The following CLP1 variants were observed in gnomAD, a reference collection of about 807,000 sequenced individuals.
CLP1 encodes the protein cleavage factor polyribonucleotide kinase subunit 1.
A neutral mutation model predicts 29.9 loss-of-function variants in CLP1; 18 were observed. The observed-to-expected ratio is 0.60, with a 90% CI of 0.42 to 0.89. The LOEUF is 0.89. CLP1 is among the 40% of genes least tolerant of loss of function. The pLI is 0.00. For missense variants in CLP1, 357 were observed against 544.8 expected, an observed-to-expected ratio of 0.66 and a Z score of 3.43; for synonymous variants, 162 against 206.2, an observed-to-expected ratio of 0.79 and a Z score of 1.84.
chr11:57,660,099 G>A lies in CLP1; in HGVS notation c.606+17G>A, dbSNP rs776825880. ...TATAATAAGGTCAGAGCCAGAGAAA[G>A]GTGGGGTGGAGGGAAGGGCTGCTAT... On this transcript the variant is annotated intron_variant, in intron 2 of 2. Transcript: ENST00000533682. 37 of 1,535,820 alleles carry A rather than the reference G, an allele frequency of 2.4e-5. No individual in the cohort carries two copies. The highest frequency in any genetic ancestry group is 3.2e-5 in the Non-Finnish European group (36 of 1,140,758).
Position 57,661,374 on chromosome 11 carries a change from C to A in CLP1, c.1216C>A (p.Pro406Thr). 1 of 1,614,082 alleles carries A rather than the reference C, an allele frequency of 6.2e-7. No individual in the cohort carries two copies. Among genetic ancestry groups the A allele is most frequent in the Non-Finnish European group, 8.5e-7 (1 of 1,180,024 alleles). The change falls in exon 3 of 3, where the codon CCT becomes ACT. Residue 406 changes from proline (P) to threonine (T), a missense_variant. Physicochemically the swap from Pro to Thr is conservative, Grantham distance 38. Transcript: ENST00000533682. ...HQVFTVLSPA[P>T]RPLPKNFLLI... The stretch of plus-strand genomic sequence containing the variant: ...GGTGTTTACTGTTCTGTCTCCAGCC[C>A]CTCGCCCACTGCCTAAGAACTTCCT...
intron 1 of CLP1, among the ~76,000 whole-genome samples, chr11:57,658,505 G>A (rs1400609755): frequency 1.3e-5 from 2 of 152,192 alleles, no homozygotes; most frequent in African/African-American, 2.4e-5. Context: ...TTTTGGGGTG[G>A]AGGAGGCGGG....
At chr11:57,660,624 A>G in intron 2 of CLP1, 141 bp from the exon 3 acceptor site, 1 of 699,344 alleles carries the variant, frequency 1.4e-6, no homozygotes, top group East Asian at 2.7e-5. Context: ...ACTGCACTCC[A>G]TCCTGGGCAA....
In CLP1 at chr11:57,661,556, A is replaced by T; in HGVS notation, c.*120A>T. ...GACCAGTAAACTGTGGACTAGTAGA[A>T]AGTTCATATTCTACCTCTAAAAACA... On this transcript the variant is annotated 3_prime_UTR_variant, in exon 3 of 3. Transcript: ENST00000533682. 1.3e-6 allele frequency: 1 copy of T among 776,040 alleles called. No individual in the cohort carries two copies. The highest frequency in any genetic ancestry group is 2.1e-6 in the Non-Finnish European group (1 of 482,692). The allele number at this position is 776,040 out of a possible 1,614,324, so 48.1% of individuals were successfully genotyped here. A position where few individuals can be genotyped will look rare whatever the true frequency, so the allele number is the denominator to read the frequency against.
chr11:57,659,352 G>A, intron 1 of CLP1, 103 bp from the exon 2 acceptor site: 1 of 1,129,024 alleles, frequency 8.9e-7, no homozygotes, highest in Admixed American at 2.4e-5. Context: ...GCTTCCCAAA[G>A]TGCTGGGATT....
rs1432445783 is a variant in CLP1, at chr11:57,660,920, T to C, written c.762T>C (p.Val254=). 8.1e-6 allele frequency: 13 copies of C among 1,614,080 alleles called. No homozygotes were observed. Among genetic ancestry groups the C allele is most frequent in the African/African-American group, 2.7e-5 (2 of 74,928 alleles). The change falls in exon 3 of 3, where the codon GTT becomes GTC. Residue 254 remains valine, a synonymous_variant. Coordinates refer to ENST00000533682, the MANE Select transcript of CLP1 (RefSeq NM_006831.3). Reference sequence around the variant, plus strand: ...CCTCAGCTTTTGAGGTGGATGTCGTTGTTGTTCTGGATCAAGAACGACTGT... The same window carrying C: ...CCTCAGCTTTTGAGGTGGATGTCGTCGTTGTTCTGGATCAAGAACGACTGT... ...HAASAFEVDV[V]VVLDQERLYN...
Position 57,661,036 on chromosome 11 carries a change from G to A in CLP1, c.878G>A (p.Arg293Gln), listed in dbSNP as rs1205528813. 31 of 1,614,110 alleles carry A rather than the reference G, an allele frequency of 1.9e-5. No individual in the cohort carries two copies. The highest frequency in any genetic ancestry group is 6.7e-5 in the African/African-American group (5 of 74,930). The change falls in exon 3 of 3, where the codon CGG (arginine) becomes CAG (glutamine). Residue 293 changes from arginine (R) to glutamine (Q), a missense_variant. Transcript: ENST00000533682. ...GGVVERSKDF[R>Q]RECRDERIRE... ...GTGGTGGAGCGCTCCAAGGACTTCC[G>A]GCGGGAATGTAGGGATGAGCGTATC... is the stretch of plus-strand genomic sequence containing the variant.
intron 1 of CLP1, among the ~76,000 whole-genome samples, chr11:57,658,444 G>A (rs772941350): frequency 2.1e-4 from 32 of 152,144 alleles, no homozygotes; most frequent in Admixed American, 1.4e-3. Context: ...AGTCTGTCAA[G>A]CTGTATTCTA....
rs889901808 is a variant in CLP1 at position 57,659,350 on chromosome 11, A to G, written c.-22-105A>G. 33 of 1,109,098 alleles carry G rather than the reference A, an allele frequency of 3.0e-5. 1 individual carries two copies. The highest frequency in any genetic ancestry group is 2.2e-4 in the Middle Eastern group (1 of 4,598). 68.7% of individuals were successfully genotyped at this position (1,109,098 alleles called of 1,614,324 possible). On this transcript the variant is annotated intron_variant, in intron 1 of 2. Transcript: ENST00000533682. ...GTGATCCAGCCACCTCGGCTTCCCA[A>G]AGTGCTGGGATTACAGGCGTGAGCC...
In CLP1 at chr11:57,661,826, TAAAAA is replaced by T. The variant is rs886102370; in HGVS notation, c.*394_*398del. The T allele has an allele frequency of 4.7e-6, 1 of 210,840 alleles. No homozygotes were observed. Among genetic ancestry groups the T allele is most frequent in the Non-Finnish European group, 9.5e-6 (1 of 105,018 alleles). The allele number at this position is 210,840 out of a possible 1,614,324, so 13.1% of individuals were successfully genotyped here. A position where few individuals can be genotyped will look rare whatever the true frequency, so the allele number is the denominator to read the frequency against. On this transcript the variant is annotated 3_prime_UTR_variant, in exon 3 of 3. Transcript: ENST00000533682. ...GACTCCTTCCAATAAAGTTCAAACT[TAAAAA>T]AAATCATTTTAATAAATATTTTTGC...
chr11:57,661,619 A>G lies in CLP1; in HGVS notation c.*183A>G, dbSNP rs915232519. On this transcript the variant is annotated 3_prime_UTR_variant, in exon 3 of 3. Coordinates refer to ENST00000533682, the MANE Select transcript of CLP1 (RefSeq NM_006831.3). Reference sequence around the variant, plus strand: ...CTGACTCTTCTAATCTTGAACCAAAAGGAAAACCATGAGACTGTAATTGGT... The same window carrying G: ...CTGACTCTTCTAATCTTGAACCAAAGGGAAAACCATGAGACTGTAATTGGT... 6.9e-6 allele frequency: 4 copies of G among 583,492 alleles called. No individual in the cohort carries two copies. Among genetic ancestry groups the G allele is most frequent in the African/African-American group, 5.6e-5 (3 of 53,722 alleles). The allele number at this position is 583,492 out of a possible 1,614,324, so 36.1% of individuals were successfully genotyped here.
In CLP1 at chr11:57,660,745, C is replaced by T. The variant is rs1233336122; in HGVS notation, c.607-20C>T. The T allele has an allele frequency of 8.4e-6, 13 of 1,551,178 alleles. No homozygotes were observed. Among genetic ancestry groups the T allele is most frequent in the Admixed American group, 1.9e-5 (1 of 52,154 alleles). On this transcript the variant is annotated intron_variant, in intron 2 of 2. Coordinates refer to ENST00000533682, the MANE Select transcript of CLP1 (RefSeq NM_006831.3). ...TTTGTCTGGGTGTTTTTGTTCTTAC[C>T]TTGATCCTCTCTTTTGCAGATTACA...
chr11:57,659,721 CT>C lies in CLP1; in HGVS notation c.247del (p.Tyr83MetfsTer35). 2 of 1,614,144 alleles carry C rather than the reference CT, an allele frequency of 1.2e-6. No individual in the cohort carries two copies. The highest frequency in any genetic ancestry group is 2.2e-5 in the South Asian group (2 of 91,088). On this transcript the variant is annotated frameshift_variant, in exon 2 of 3. Coordinates refer to ENST00000533682, the MANE Select transcript of CLP1 (RefSeq NM_006831.3). LOFTEE classifies it high-confidence loss of function. ...SVQLSGRTEV[A>X]YVSKDTPMLL... Reference sequence around the variant, plus strand: ...CAACTGAGCGGCCGCACTGAGGTGGCTTATGTCTCCAAGGACACTCCTATGT... The same window carrying C: ...CAACTGAGCGGCCGCACTGAGGTGGCTATGTCTCCAAGGACACTCCTATGT...
chr11:57,659,776 G>A lies in CLP1; in HGVS notation c.300G>A (p.Leu100=). The stretch of plus-strand genomic sequence containing the variant: ...TTTACCTCAACACTCACACAGCCTT[G>A]GAACAGATGCGGAGGCAAGCGGAAA... The part of the protein sequence containing the change: ...MLLYLNTHTA[L]EQMRRQAEKE... The change falls in exon 2 of 3, where the codon TTG becomes TTA. Residue 100 remains leucine (L), a synonymous_variant. Coordinates refer to ENST00000533682, the MANE Select transcript of CLP1 (RefSeq NM_006831.3). 1 of 1,614,174 alleles carries A rather than the reference G, an allele frequency of 6.2e-7. No individual in the cohort carries two copies. Among genetic ancestry groups the A allele is most frequent in the Non-Finnish European group, 8.5e-7 (1 of 1,180,034 alleles).
chr11:57,659,502 A>G lies in CLP1; in HGVS notation c.26A>G (p.Lys9Arg), dbSNP rs1253045023. 6.2e-7 allele frequency: 1 copy of G among 1,614,070 alleles called. No individual in the cohort carries two copies. The highest frequency in any genetic ancestry group is 8.5e-7 in the Non-Finnish European group (1 of 1,180,036). The change falls in exon 2 of 3, where the codon AAG becomes AGG. Residue 9 changes from lysine to arginine, a missense_variant. Transcript: ENST00000533682. MGEEANDD[K>R]KPTTKFELER... ...ATGGGAGAAGAGGCTAATGATGACAAGAAGCCAACCACTAAATTTGAACTA... is the reference window on the plus strand; with the variant it reads ...ATGGGAGAAGAGGCTAATGATGACAGGAAGCCAACCACTAAATTTGAACTA...
At chr11:57,659,268 T>C (rs1173872779) in intron 1 of CLP1, among the ~76,000 whole-genome samples, 187 bp from the exon 2 acceptor site, 1 of 149,840 alleles carries the variant, frequency 6.7e-6, no homozygotes, top group Non-Finnish European at 1.5e-5. Context: ...TTTGTATGTT[T>C]AGTAGAGACA....
rs1945855566 is a variant in CLP1 at position 57,659,667 on chromosome 11, C to T, written c.191C>T (p.Ala64Val). 2 of 1,614,020 alleles carry T rather than the reference C, an allele frequency of 1.2e-6. No individual in the cohort carries two copies. The highest frequency in any genetic ancestry group is 1.7e-6 in the Non-Finnish European group (2 of 1,180,044). Residue 64 changes from alanine (A) to valine (V), a missense_variant, in exon 2 of 3, where the codon GCT becomes GTT. By Grantham distance (64) the Ala-to-Val change is moderately conservative (BLOSUM62 0). Transcript: ENST00000533682. ...ACCTTTGATGCTGGTGCCAAGGTGG[C>T]TGTTTTCACTTGGCATGGCTGTTCT... ...KFTFDAGAKV[A>V]VFTWHGCSVQ...
Position 57,659,737 on chromosome 11 carries a change from C to T in CLP1, c.261C>T (p.Asp87=). 1.2e-6 allele frequency: 2 copies of T among 1,614,144 alleles called. No homozygotes were observed. The highest frequency in any genetic ancestry group is 1.7e-6 in the Non-Finnish European group (2 of 1,180,042). ...CTGAGGTGGCTTATGTCTCCAAGGA[C>T]ACTCCTATGTTGCTTTACCTCAACA... ...GRTEVAYVSK[D]TPMLLYLNTH... is the part of the protein sequence containing the mutation. The change falls in exon 2 of 3, where the codon GAC becomes GAT. Residue 87 remains aspartate, a synonymous_variant. Transcript: ENST00000533682.
intron 2 of CLP1, 126 bp from the exon 3 acceptor site, chr11:57,660,639 G>C: frequency 1.3e-6 from 1 of 779,978 alleles, no homozygotes; most frequent in Non-Finnish European, 2.0e-6. Flanking sequence ...GGGCAACAGA[G>C]TGAGACTCCA....
Sources: allele counts gnomAD v4.1 joint callset (sites outside exome capture counted in the v4.1 genomes callset), GRCh38; gene constraint gnomAD v4.1.1; transcripts MANE v1.5; gene names NCBI Gene and HGNC (gene_info 2026-07-23, HGNC 2026-07-21).